ADGRG1: variants seen among roughly 807,000 people sequenced by gnomAD.
ADGRG1 encodes the protein 7-transmembrane protein with no EGF-like N-terminal domains-1.
A neutral mutation model predicts 73.5 loss-of-function variants in ADGRG1; 53 were observed. The observed-to-expected ratio is 0.72, with a 90% confidence interval of 0.58 to 0.91. The LOEUF is 0.91. Ranked by LOEUF, ADGRG1 falls within the 40% of genes least tolerant of loss-of-function variation. The probability of loss-of-function intolerance (pLI) is 0.00; values close to 1 mark genes in which losing one functional copy is unlikely to be tolerated. For missense variants in ADGRG1, 795 were observed against 871.8 expected, an observed-to-expected ratio of 0.91 and a Z score of 1.11; for synonymous variants, 394 against 374.4, an observed-to-expected ratio of 1.05 and a Z score of -0.60.
intron 1 of ADGRG1, chr16:57,639,979 G>C: frequency 1.5e-5 from 6 of 401,590 alleles, no homozygotes; most frequent in Non-Finnish European, 2.0e-5. Context: ...TTGGGGGTGA[G>C]AGCTCCACAC....
upstream of ADGRG1, chr16:57,628,115 C>T: frequency 1.0e-6 from 1 of 967,114 alleles, no homozygotes; most frequent in South Asian, 4.9e-5. Context: ...CCTGGCTGGC[C>T]TCCTGCCCGG....
chr16:57,652,111 A>C, intron 3 of ADGRG1: 1 of 1,043,912 alleles, frequency 9.6e-7, no homozygotes, highest in Admixed American at 4.9e-5. Flanking sequence ...ATTTGAACCC[A>C]GCAGCTGATT....
intron 11 of ADGRG1, 122 bp downstream of exon 11, chr16:57,659,803 A>C: frequency 9.8e-7 from 1 of 1,015,674 alleles, no homozygotes; most frequent in Non-Finnish European, 1.5e-6. Context: ...TCCTTCACTC[A>C]TCCTCAGGTG....
At position 57,659,698 on chromosome 16, in the gene ADGRG1, G is replaced by T; in HGVS notation, c.1555+17G>T. ...TGGGCTGGGGTAAGTGGTTGGGCGG[G>T]GGGTGCCTCAGACCTGCCTCTCCCA... On this transcript the variant is annotated intron_variant, in intron 11 of 13. Coordinates refer to ENST00000562631, the MANE Select transcript of ADGRG1 (RefSeq NM_201525.4). The T allele has an allele frequency of 6.2e-7, 1 of 1,613,170 alleles. No individual in the cohort carries two copies. The highest frequency in any genetic ancestry group is 8.5e-7 in the Non-Finnish European group (1 of 1,179,702).
intron 4 of ADGRG1, 79 bp from the exon 5 acceptor site, chr16:57,653,907 T>C: frequency 6.2e-7 from 1 of 1,606,220 alleles, no homozygotes; most frequent in Non-Finnish European, 8.5e-7. Flanking sequence ...TCTGTCTGAG[T>C]CTCTCGTCCT....
intron 1 of ADGRG1, chr16:57,629,018 G>A: frequency 2.1e-6 from 1 of 486,390 alleles, no homozygotes; most frequent in Admixed American, 6.5e-5. Flanking sequence ...GAGTGTGACT[G>A]AGCGTTTGAG....
At chr16:57,628,991 T>A (rs1176452713) in intron 1 of ADGRG1, 189 bp downstream of exon 1, 1 of 444,220 alleles carries the variant, frequency 2.3e-6, no homozygotes, top group Non-Finnish European at 2.8e-6. Context: ...TGAGTGAGAA[T>A]GTGAGTGTGA....
At chr16:57,626,297 A>C (rs1308789009), upstream of ADGRG1, among the ~76,000 whole-genome samples, 20 of 152,202 alleles carry the variant, frequency 1.3e-4, no homozygotes, top group Non-Finnish European at 5.9e-5. Context: ...TACACCATAA[A>C]ACCTCCAGAC....
rs10852555 is a variant in ADGRG1 at position 57,663,656 on chromosome 16, C to A, written c.*74C>A. ...GCACACTGCCTGTGGCCCCCGAGCCCGGCCCAGCCCCAGGCCAGTCAGCCG... is the reference window on the plus strand; with the variant it reads ...GCACACTGCCTGTGGCCCCCGAGCCAGGCCCAGCCCCAGGCCAGTCAGCCG... On this transcript the variant is annotated 3_prime_UTR_variant, in exon 14 of 14. Coordinates refer to ENST00000562631, the MANE Select transcript of ADGRG1 (RefSeq NM_201525.4). 0.53 allele frequency: 812,402 copies of A among 1,542,072 alleles called. 217,854 individuals are homozygous for A. The highest frequency in any genetic ancestry group is 0.77 in the East Asian group (34,334 of 44,486).
At chr16:57,659,797 T>C (rs1567810720) in intron 11 of ADGRG1, 116 bp downstream of exon 11, 2 of 1,064,966 alleles carry the variant, frequency 1.9e-6, no homozygotes, top group East Asian at 4.9e-5. Context: ...CTGGCCTCCT[T>C]CACTCATCCT....
rs1407048356 is a variant in ADGRG1, at chr16:57,663,848, T to C, written c.*266T>C. 3 of 543,528 alleles carry C rather than the reference T, an allele frequency of 5.5e-6. No individual in the cohort carries two copies. Among genetic ancestry groups the C allele is most frequent in the African/African-American group, 1.9e-5 (1 of 52,644 alleles). The allele number at this position is 543,528 out of a possible 1,614,324, so 33.7% of individuals were successfully genotyped here. ...CTGCCTAGGGTACTGTCCCCACATC[T>C]GTCCCAACCCAGCTGGAGGCCTGGT... On this transcript the variant is annotated 3_prime_UTR_variant, in exon 14 of 14. Transcript: ENST00000562631.
At position 57,656,561 on chromosome 16, in the gene ADGRG1, A is replaced by G. The variant is rs1295609406; in HGVS notation, c.1111A>G (p.Arg371Gly). Residue 371 changes from arginine to glycine, a missense_variant, in exon 9 of 14, where the codon AGA becomes GGA. Coordinates refer to ENST00000562631, the MANE Select transcript of ADGRG1 (RefSeq NM_201525.4). ...WSSAGCETVR[R>G]ETQTSCFCNH... Reference sequence around the variant, plus strand: ...CAGTGCTGGGTGTGAGACCGTCAGGAGAGAAACCCAAACATCCTGCTTCTG... The same window carrying G: ...CAGTGCTGGGTGTGAGACCGTCAGGGGAGAAACCCAAACATCCTGCTTCTG... 1 of 1,613,924 alleles carries G rather than the reference A, an allele frequency of 6.2e-7. No individual in the cohort carries two copies. The highest frequency in any genetic ancestry group is 2.2e-5 in the East Asian group (1 of 44,862).
At position 57,651,180 on chromosome 16, in the gene ADGRG1, T is replaced by A; in HGVS notation, c.65-20T>A. 6.2e-7 allele frequency: 1 copy of A among 1,613,844 alleles called. No individual in the cohort carries two copies. The highest frequency in any genetic ancestry group is 2.2e-5 in the East Asian group (1 of 44,886). ...TCAGCCCCTGCCACGGGGTCCCATC[T>A]GCAGCCTCTGCCTCCTCAGGTGCCC... On this transcript the variant is annotated intron_variant, in intron 2 of 13. Coordinates refer to ENST00000562631, the MANE Select transcript of ADGRG1 (RefSeq NM_201525.4).
At chr16:57,663,333 G>A (rs1384983064) in intron 13 of ADGRG1, 119 bp from the exon 14 acceptor site, 46 of 1,544,318 alleles carry the variant, frequency 3.0e-5, no homozygotes, top group African/African-American at 5.4e-5. Context: ...CCGACAGCAC[G>A]TGCTTGGCAA....
In ADGRG1 at chr16:57,655,436, T is replaced by C; in HGVS notation, c.806T>C (p.Leu269Pro). 1.2e-6 allele frequency: 2 copies of C among 1,613,748 alleles called. No individual in the cohort carries two copies. Among genetic ancestry groups the C allele is most frequent in the Admixed American group, 1.7e-5 (1 of 60,026 alleles). ...QSEIMEYSVL[L>P]PRTLFQRTKG... Reference sequence around the variant, plus strand: ...GAGATCATGGAGTACTCGGTGCTGCTGCCTCGAACACTCTTCCAGAGGACG... The same window carrying C: ...GAGATCATGGAGTACTCGGTGCTGCCGCCTCGAACACTCTTCCAGAGGACG... Residue 269 changes from leucine to proline, a missense_variant, in exon 6 of 14, where the codon CTG (leucine) becomes CCG (proline). Coordinates refer to ENST00000562631, the MANE Select transcript of ADGRG1 (RefSeq NM_201525.4).
Position 57,642,195 on chromosome 16 carries a change from T to C in ADGRG1, c.-35-8058T>C, listed in dbSNP as rs1479654912. ...AGGCCCAGCTGGCCACGGCCAACTT[T>C]AATGGAATGGCACACCTGGGACAGG... On this transcript the variant is annotated intron_variant, in intron 1 of 13. Coordinates refer to ENST00000562631, the MANE Select transcript of ADGRG1 (RefSeq NM_201525.4). 8 of 985,336 alleles carry C rather than the reference T, an allele frequency of 8.1e-6. No individual in the cohort carries two copies. In the African/African-American group the frequency reaches 1.4e-4, roughly 17 times the overall value. The allele number at this position is 985,336 out of a possible 1,614,324, so 61.0% of individuals were successfully genotyped here.
At chr16:57,628,990 A>T in intron 1 of ADGRG1, 188 bp downstream of exon 1, 9 of 351,104 alleles carry the variant, frequency 2.6e-5, no homozygotes, top group Non-Finnish European at 3.1e-5. Flanking sequence ...GTGAGTGAGA[A>T]TGTGAGTGTG....
intron 1 of ADGRG1, 58 bp from the exon 2 acceptor site, chr16:57,650,195 G>A: frequency 6.4e-7 from 1 of 1,573,182 alleles, no homozygotes; most frequent in African/African-American, 1.4e-5. Flanking sequence ...TCTTCTGCAG[G>A]GCCAGCCCAA....
At chr16:57,653,426 C>T (rs1402476842) in intron 4 of ADGRG1, 91 bp downstream of exon 4, 6 of 1,575,426 alleles carry the variant, frequency 3.8e-6, no homozygotes, top group South Asian at 1.1e-5. Context: ...GGGGCTACTG[C>T]GAGGCCTTCC....
Sources: allele counts gnomAD v4.1 joint callset (sites outside exome capture counted in the v4.1 genomes callset), GRCh38; gene constraint gnomAD v4.1.1; transcripts MANE v1.5; gene names NCBI Gene and HGNC (gene_info 2026-07-23, HGNC 2026-07-21).